The following MYLK4 variants were observed in gnomAD, a reference collection of about 807,000 sequenced individuals.
MYLK4 encodes the protein myosin light chain kinase family member 4.
A neutral mutation model predicts 48.1 loss-of-function variants in MYLK4; 46 were observed. That is an observed-to-expected ratio of 0.96 (90% CI 0.75 to 1.22). MYLK4 has a LOEUF of 1.22. MYLK4 is among the 50% of genes most tolerant of loss of function. The pLI is 0.00. For synonymous variants in MYLK4, 170 were observed against 180.8 expected (o/e 0.94, Z 0.48); for missense variants, 451 against 486.1 (o/e 0.93, Z 0.68).
intron 2 of MYLK4, among the ~76,000 whole-genome samples, chr6:2,707,944 A>G (rs4959201): frequency 0.44 from 66,704 of 151,918 alleles, 15,686 homozygotes; most frequent in East Asian, 0.57. Context: ...TCATATTTTT[A>G]TTAAAATATT....
At chr6:2,713,217 A>G (rs1009026438) in intron 2 of MYLK4, among the ~76,000 whole-genome samples, 10 of 152,002 alleles carry the variant, frequency 6.6e-5, no homozygotes, top group Non-Finnish European at 1.5e-4. Context: ...CTAAAAACAC[A>G]AAATTAGCCA....
At position 2,737,984 on chromosome 6, in the gene MYLK4, G is replaced by C. The variant is rs867511025; in HGVS notation, c.159+11152C>G. On this transcript the variant is annotated intron_variant, in intron 2 of 12. Transcript: ENST00000274643. ...GGGGTGGGGTGCCGGGGGCGGGTGG[G>C]GGGGGGGTGGTCAATGTTATTAACC... Among the ~76,000 whole-genome samples the C allele has an allele frequency of 5.1e-4, 57 of 111,268 alleles. 5 individuals are homozygous for C. The highest frequency in any genetic ancestry group is 1.8e-3 in the African/African-American group (55 of 30,708). The allele number at this position is 111,268 out of a possible 152,430, so 73.0% of individuals were successfully genotyped here. A position where few individuals can be genotyped will look rare whatever the true frequency, so the allele number is the denominator to read the frequency against.
Position 2,664,564 on chromosome 6 carries a change from T to C in MYLK4, c.*3361A>G, listed in dbSNP as rs1158420815. The C allele has an allele frequency of 6.6e-6, 1 of 152,126 alleles. No individual in the cohort carries two copies. Among genetic ancestry groups the C allele is most frequent in the African/African-American group, 2.4e-5 (1 of 41,406 alleles). 9.4% of individuals were successfully genotyped at this position (152,126 alleles called of 1,614,324 possible). A position where few individuals can be genotyped will look rare whatever the true frequency, so the allele number is the denominator to read the frequency against. ...AATAAAGAGCAGATTCTGTTCCTAG[T>C]ATCAAATCCATATTTTGATTCTTAA... On this transcript the variant is annotated 3_prime_UTR_variant, in exon 13 of 13. Coordinates refer to ENST00000274643, the MANE Select transcript of MYLK4 (RefSeq NM_001012418.5).
intron 2 of MYLK4, among the ~76,000 whole-genome samples, chr6:2,737,687 T>C (rs1421759459): frequency 6.6e-6 from 1 of 152,022 alleles, no homozygotes; most frequent in African/African-American, 2.4e-5. Flanking sequence ...CCCAGGCCAG[T>C]GCCTGAGAAA....
At chr6:2,692,948 C>G in intron 2 of MYLK4, 89 bp from the exon 3 acceptor site, 2 of 1,209,916 alleles carry the variant, frequency 1.7e-6, no homozygotes, top group Non-Finnish European at 2.4e-6. Context: ...TGGATGATTC[C>G]GTGTGGTGGG....
chr6:2,769,092 G>A, the MYLK4 span, among the ~76,000 whole-genome samples: 8 of 152,266 alleles, frequency 5.3e-5, no homozygotes, highest in East Asian at 1.5e-3. Flanking sequence ...TAAATGAAAT[G>A]GTTGGCATAT....
chr6:2,734,322 A>AGGGCCAC (rs1179537621), intron 2 of MYLK4, among the ~76,000 whole-genome samples: 2 of 152,182 alleles, frequency 1.3e-5, no homozygotes, highest in Non-Finnish European at 2.9e-5. Flanking sequence ...CGTCTGTCAC[A>AGGGCCAC]GGGCCACCAC....
intron 2 of MYLK4, among the ~76,000 whole-genome samples, chr6:2,694,834 G>C (rs903744407): frequency 2.6e-5 from 4 of 152,026 alleles, no homozygotes; most frequent in Non-Finnish European, 5.9e-5. Context: ...AGAAATGGTA[G>C]AGCTAGGATT....
At chr6:2,710,921 A>C (rs1762648738) in intron 2 of MYLK4, among the ~76,000 whole-genome samples, 2 of 152,200 alleles carry the variant, frequency 1.3e-5, no homozygotes, top group Admixed American at 6.5e-5. Context: ...GAGGTAATAA[A>C]ATTTGCCAGC....
At chr6:2,696,625 C>T (rs1406547104) in intron 2 of MYLK4, among the ~76,000 whole-genome samples, 1 of 152,242 alleles carries the variant, frequency 6.6e-6, no homozygotes, top group Admixed American at 6.5e-5. Context: ...GTTTAAACCA[C>T]CCAGTCCAGA....
chr6:2,757,312 T>C, the MYLK4 span, among the ~76,000 whole-genome samples: 16 of 152,182 alleles, frequency 1.1e-4, no homozygotes, highest in Non-Finnish European at 4.4e-5. Context: ...AAAAGCATTA[T>C]AAGCACCAGT....
At position 2,664,277 on chromosome 6, in the gene MYLK4, C is replaced by T. The variant is rs547297438; in HGVS notation, c.*3648G>A. The T allele has an allele frequency of 2.0e-5, 3 of 152,298 alleles. No individual in the cohort carries two copies. Among genetic ancestry groups the T allele is most frequent in the Admixed American group, 6.5e-5 (1 of 15,304 alleles). The allele number at this position is 152,298 out of a possible 1,614,324, so 9.4% of individuals were successfully genotyped here. On this transcript the variant is annotated 3_prime_UTR_variant, in exon 13 of 13. Coordinates refer to ENST00000274643, the MANE Select transcript of MYLK4 (RefSeq NM_001012418.5). ...GTAAAAGAGAGTGCAAAAGCAAAGG[C>T]GAAGCTTTGTGGATATTGGGAAGTA...
chr6:2,707,093 G>A (rs1336488800), intron 2 of MYLK4, among the ~76,000 whole-genome samples: 1 of 152,078 alleles, frequency 6.6e-6, no homozygotes, highest in Non-Finnish European at 1.5e-5. Context: ...AAAGCAACAC[G>A]GGACAGTATA....
chr6:2,713,599 C>T (rs555843019), intron 2 of MYLK4, among the ~76,000 whole-genome samples: 15 of 152,262 alleles, frequency 9.9e-5, no homozygotes, highest in African/African-American at 3.1e-4. Context: ...CTTGGAACAA[C>T]GCTCTCCCTT....
the MYLK4 span, among the ~76,000 whole-genome samples, chr6:2,758,303 A>G: frequency 6.6e-6 from 1 of 151,762 alleles, no homozygotes; most frequent in Non-Finnish European, 1.5e-5. Flanking sequence ...ATGAAGTCAC[A>G]GTAATTTATA....
chr6:2,706,193 TTCTA>T (rs1401096744), intron 2 of MYLK4, among the ~76,000 whole-genome samples: 2 of 106,292 alleles, frequency 1.9e-5, no homozygotes, highest in African/African-American at 7.2e-5. Flanking sequence ...GCTCTGAATA[TTCTA>T]TCTGTTATTG....
At chr6:2,668,920 T>C (rs1760771338) in intron 12 of MYLK4, among the ~76,000 whole-genome samples, 1 of 151,782 alleles carries the variant, frequency 6.6e-6, no homozygotes, top group Admixed American at 6.6e-5. Context: ...ATTTAAAAAT[T>C]AGCCAGGCGT....
At chr6:2,768,710 TAGCC>T in the MYLK4 span, 1 of 1,611,798 alleles carries the variant, frequency 6.2e-7, no homozygotes, top group Non-Finnish European at 8.5e-7. Context: ...GCTCACATCA[TAGCC>T]AGCAACAGCA....
At chr6:2,727,320 G>A (rs1164766544) in intron 2 of MYLK4, among the ~76,000 whole-genome samples, 3 of 152,186 alleles carry the variant, frequency 2.0e-5, no homozygotes, top group Non-Finnish European at 4.4e-5. Flanking sequence ...CCCGGAAAGC[G>A]CTGCAGTGCT....
Sources: gnomAD v4.1 joint callset for allele counts (sites outside exome capture counted in the v4.1 genomes callset) on GRCh38, gnomAD v4.1.1 for gene constraint, MANE v1.5 for transcripts, NCBI Gene and HGNC (gene_info 2026-07-23, HGNC 2026-07-21) for gene names.